DNAH11: variants seen among roughly 807,000 people sequenced by gnomAD.
DNAH11 encodes the protein axonemal beta dynein heavy chain 11.
A neutral mutation model predicts 526.0 loss-of-function variants in DNAH11; 442 were observed. The ratio of observed to expected loss-of-function variants is 0.84; its 90% CI spans 0.78 to 0.91. The LOEUF (loss-of-function observed/expected upper bound fraction) is 0.91, where lower values mean the gene tolerates loss of function less well. DNAH11 is among the 40% of genes least tolerant of loss of function. The pLI is 0.00. For synonymous variants in DNAH11, 2,461 were observed against 1,935.9 expected (o/e 1.27, Z -7.12); for missense variants, 6,989 against 5,448.7 (o/e 1.28, Z -8.90).
At chr7:21,704,290 T>G in intron 37 of DNAH11, 144 bp from the exon 38 acceptor site, 1 of 774,582 alleles carries the variant, frequency 1.3e-6, no homozygotes, top group South Asian at 2.0e-5. Flanking sequence ...TTAACCTCCC[T>G]ATTGATAGAA....
chr7:21,619,094 A>T lies in DNAH11; in HGVS notation c.4255-6A>T, dbSNP rs1277295729. 6.2e-7 allele frequency: 1 copy of T among 1,613,146 alleles called. No individual in the cohort carries two copies. The highest frequency in any genetic ancestry group is 8.5e-7 in the Non-Finnish European group (1 of 1,179,478). The stretch of plus-strand genomic sequence containing the variant: ...TATAAAGTCTAACTTTTTTTCCCCC[A>T]ATCAGGTCAAGTTTTTAATAAATGA... On this transcript the variant is annotated splice_region_variant and splice_polypyrimidine_tract_variant and intron_variant, in intron 23 of 81. Transcript: ENST00000409508.
rs1449729406 is a variant in DNAH11, at chr7:21,744,850, T to A, written c.8317-20T>A. On this transcript the variant is annotated intron_variant, in intron 50 of 81. Transcript: ENST00000409508. ...TATGGATGGTTGACATGCCATATTT[T>A]TCTCTTTCTCATCCTGCAGGGTATA... The A allele has an allele frequency of 6.3e-7, 1 of 1,592,194 alleles. No individual in the cohort carries two copies. The highest frequency in any genetic ancestry group is 8.5e-7 in the Non-Finnish European group (1 of 1,170,532).
In DNAH11 at chr7:21,750,308, G is replaced by C. The variant is rs754646704; in HGVS notation, c.8884G>C (p.Asp2962His). The C allele has an allele frequency of 8.7e-6, 14 of 1,605,712 alleles. No individual in the cohort carries two copies. The highest frequency in any genetic ancestry group is 1.2e-5 in the Non-Finnish European group (14 of 1,176,010). ...HNEVHALGMV[D>H]SRENCWKFFM... Reference sequence around the variant, plus strand: ...TGAAGTTCATGCTCTGGGCATGGTAGACTCCAGGGAAAACTGTTGGAAATT... The same window carrying C: ...TGAAGTTCATGCTCTGGGCATGGTACACTCCAGGGAAAACTGTTGGAAATT... The change falls in exon 54 of 82, where the codon GAC (aspartate) becomes CAC (histidine). Residue 2962 changes from aspartate to histidine, a missense_variant. Transcript: ENST00000409508.
intron 72 of DNAH11, 143 bp from the exon 73 acceptor site, chr7:21,868,721 C>G: frequency 1.9e-6 from 2 of 1,061,450 alleles, no homozygotes; most frequent in Non-Finnish European, 2.7e-6. Flanking sequence ...GTGGATACAA[C>G]AGAAGTTTCT....
intron 65 of DNAH11, among the ~76,000 whole-genome samples, chr7:21,823,210 A>G (rs1010959240): frequency 6.6e-5 from 10 of 152,028 alleles, no homozygotes; most frequent in African/African-American, 1.2e-4. Flanking sequence ...GCTTTTTCAA[A>G]TAAACAGGCA....
chr7:21,877,746 G>A (rs143763615), intron 74 of DNAH11, among the ~76,000 whole-genome samples: 2,795 of 151,854 alleles, frequency 0.018, 79 homozygotes, highest in African/African-American at 0.063. Flanking sequence ...GTGGTGGTGG[G>A]CGCCTGTAGT....
chr7:21,583,059 C>G (rs970317398), intron 9 of DNAH11, among the ~76,000 whole-genome samples: 1 of 152,162 alleles, frequency 6.6e-6, no homozygotes, highest in East Asian at 1.9e-4. Flanking sequence ...CTACCACTGA[C>G]TTTCTTCACA....
intron 65 of DNAH11, among the ~76,000 whole-genome samples, chr7:21,833,433 C>G (rs1407182201): frequency 1.3e-5 from 2 of 152,182 alleles, no homozygotes; most frequent in African/African-American, 4.8e-5. Flanking sequence ...TGGCTCATGC[C>G]TGTAATGCCA....
chr7:21,789,012 G>C (rs115449165), intron 60 of DNAH11, among the ~76,000 whole-genome samples: 2 of 152,226 alleles, frequency 1.3e-5, no homozygotes, highest in South Asian at 4.1e-4. Context: ...TAACAGGCCA[G>C]GTGTGGTGGC....
chr7:21,712,633 T>C (rs1363946970), intron 42 of DNAH11, among the ~76,000 whole-genome samples: 1 of 152,238 alleles, frequency 6.6e-6, no homozygotes, highest in Non-Finnish European at 1.5e-5. Flanking sequence ...ATGTTGAACA[T>C]CTTTTCATGT....
At chr7:21,589,093 C>T (rs753492687) in intron 11 of DNAH11, 115 bp from the exon 12 acceptor site, 2 of 801,094 alleles carry the variant, frequency 2.5e-6, no homozygotes, top group Admixed American at 3.9e-5. Flanking sequence ...TTGACTGTTT[C>T]TCTTCCTGGT....
chr7:21,899,278 C>T (rs1583825881), intron 79 of DNAH11, 58 bp from the exon 80 acceptor site: 1 of 1,395,488 alleles, frequency 7.2e-7, no homozygotes, highest in East Asian at 2.3e-5. Flanking sequence ...ACAGAACATA[C>T]TGGAAAATGG....
At chr7:21,745,514 G>C (rs943970078) in intron 51 of DNAH11, among the ~76,000 whole-genome samples, 2 of 152,180 alleles carry the variant, frequency 1.3e-5, no homozygotes, top group Non-Finnish European at 2.9e-5. Context: ...GAGCATGGCT[G>C]ACAAGGTTCT....
intron 57 of DNAH11, among the ~76,000 whole-genome samples, chr7:21,782,557 G>A (rs953379275): frequency 2.0e-5 from 3 of 152,156 alleles, no homozygotes; most frequent in African/African-American, 7.2e-5. Flanking sequence ...ATTACCCAAA[G>A]GAAAAATACT....
At position 21,739,660 on chromosome 7, in the gene DNAH11, A is replaced by T. The variant is rs9639393; in HGVS notation, c.7901A>T (p.Asn2634Ile). ...MNPMVGSFTI[N>I]PRLQRHFTVF... ...CCGATGGTGGGCAGCTTCACCATCA[A>T]TCCCAGGCTACAGGTAGGGTGTTGA... The change falls in exon 48 of 82, where the codon AAT (asparagine) becomes ATT (isoleucine). Residue 2634 changes from asparagine (N) to isoleucine (I), a missense_variant. Physicochemically the swap from Asn to Ile is moderately radical, Grantham distance 149. Coordinates refer to ENST00000409508, the MANE Select transcript of DNAH11 (RefSeq NM_001277115.2). 3.7e-6 allele frequency: 6 copies of T among 1,611,764 alleles called. No individual in the cohort carries two copies. The African/African-American group carries it at 5.4e-5, about 14-fold the overall frequency.
intron 65 of DNAH11, among the ~76,000 whole-genome samples, chr7:21,839,042 G>A (rs1782104216): frequency 6.6e-6 from 1 of 152,116 alleles, no homozygotes; most frequent in Non-Finnish European, 1.5e-5. Context: ...TCTCATTGGT[G>A]TGAACTGGTA....
chr7:21,740,194 T>C (rs1375672911), intron 48 of DNAH11, among the ~76,000 whole-genome samples: 1 of 143,946 alleles, frequency 6.9e-6, no homozygotes, highest in East Asian at 2.1e-4. Context: ...AATTGATCTT[T>C]TGTCTTTTCT....
chr7:21,706,898 T>A (rs1168125010), intron 39 of DNAH11, among the ~76,000 whole-genome samples: 1 of 152,216 alleles, frequency 6.6e-6, no homozygotes, highest in African/African-American at 2.4e-5. Flanking sequence ...TGAGTTAAAG[T>A]ATTAATTAAT....
At chr7:21,602,953 G>A (rs1026758488) in intron 18 of DNAH11, among the ~76,000 whole-genome samples, 6 of 151,910 alleles carry the variant, frequency 3.9e-5, no homozygotes, top group Non-Finnish European at 7.4e-5. Context: ...ACAATATTGT[G>A]CAACTACCAC....
Sources: gnomAD v4.1 joint callset for allele counts (sites outside exome capture counted in the v4.1 genomes callset) on GRCh38, gnomAD v4.1.1 for gene constraint, MANE v1.5 for transcripts, NCBI Gene and HGNC (gene_info 2026-07-23, HGNC 2026-07-21) for gene names.